Variants in FHIT observed in about 807,000 individuals in gnomAD.
FHIT encodes the protein fragile histidine triad diadenosine triphosphatase.
FHIT carries 19 observed loss-of-function variants against 17.9 expected under a neutral mutation model. That is an observed-to-expected ratio of 1.06 (90% CI 0.74 to 1.56). The LOEUF is 1.56. Among genes scored for constraint, FHIT ranks in the 40% most tolerant of loss-of-function variants. The pLI, the probability that FHIT is intolerant of heterozygous loss-of-function variation, is 0.00. For synonymous variants in FHIT, 81 were observed against 69.7 expected, an observed-to-expected ratio of 1.16 and a Z score of -0.81; for missense variants, 248 against 189.2, an observed-to-expected ratio of 1.31 and a Z score of -1.82.
intron 8 of FHIT, among the ~76,000 whole-genome samples, chr3:59,867,587 AT>A (rs1186268448): frequency 2.0e-5 from 3 of 151,926 alleles, no homozygotes; most frequent in Non-Finnish European, 2.9e-5. Context: ...TTATCTCACT[AT>A]CCTCCCCTTT....
At chr3:60,888,217 A>G (rs1705323692) in intron 3 of FHIT, among the ~76,000 whole-genome samples, 1 of 152,196 alleles carries the variant, frequency 6.6e-6, no homozygotes. Context: ...GCACATTAAC[A>G]GTTAAAATAT....
intron 4 of FHIT, among the ~76,000 whole-genome samples, chr3:60,668,185 C>G (rs192392071): frequency 5.9e-5 from 9 of 151,578 alleles, no homozygotes; most frequent in African/African-American, 2.2e-4. Flanking sequence ...TGCTATAGTT[C>G]ATTCTTTTTT....
intron 4 of FHIT, among the ~76,000 whole-genome samples, chr3:60,622,838 T>G (rs1553679299): frequency 6.6e-6 from 1 of 152,206 alleles, no homozygotes; most frequent in Non-Finnish European, 1.5e-5. Context: ...CCTTCATCAG[T>G]AGTTTCAGCC....
chr3:60,669,695 C>T (rs773186725), intron 4 of FHIT, among the ~76,000 whole-genome samples: 2 of 152,166 alleles, frequency 1.3e-5, no homozygotes, highest in Admixed American at 6.5e-5. Flanking sequence ...ATAGACCTCA[C>T]GAAAACATCA....
At chr3:59,983,478 T>C (rs1013685789) in intron 7 of FHIT, among the ~76,000 whole-genome samples, 8 of 152,128 alleles carry the variant, frequency 5.3e-5, no homozygotes, top group African/African-American at 1.2e-4. Context: ...ATTGGTATAG[T>C]TGTACTATTT....
At chr3:60,510,808 T>C (rs2034922585) in intron 5 of FHIT, among the ~76,000 whole-genome samples, 1 of 152,142 alleles carries the variant, frequency 6.6e-6, no homozygotes, top group African/African-American at 2.4e-5. Flanking sequence ...CAATGGCACA[T>C]AGGAATGACT....
chr3:60,500,615 C>CAA (rs141036805), intron 5 of FHIT, among the ~76,000 whole-genome samples: 3 of 150,304 alleles, frequency 2.0e-5, no homozygotes, highest in African/African-American at 7.3e-5. Context: ...ACTAAAAATA[C>CAA]AAAAAAAATT....
intron 4 of FHIT, among the ~76,000 whole-genome samples, chr3:60,793,186 A>C (rs1451845745): frequency 6.6e-6 from 1 of 152,222 alleles, no homozygotes; most frequent in Non-Finnish European, 1.5e-5. Context: ...TTACATACAT[A>C]TGACATTCAT....
intron 3 of FHIT, among the ~76,000 whole-genome samples, chr3:61,041,335 C>T (rs1041813358): frequency 6.6e-6 from 1 of 151,796 alleles, no homozygotes; most frequent in African/African-American, 2.4e-5. Flanking sequence ...TGAGATCACG[C>T]CACTGCACTG....
chr3:60,828,891 TAAAC>T (rs781835732), intron 3 of FHIT, among the ~76,000 whole-genome samples: 11 of 151,160 alleles, frequency 7.3e-5, no homozygotes, highest in Non-Finnish European at 1.5e-4. Flanking sequence ...AACAAACAAA[TAAAC>T]AAACAAAAAC....
At chr3:60,495,691 A>C (rs2034273482) in intron 5 of FHIT, among the ~76,000 whole-genome samples, 2 of 152,200 alleles carry the variant, frequency 1.3e-5, no homozygotes, top group African/African-American at 2.4e-5. Context: ...TCCTTTAAAA[A>C]ATTTCACGGC....
intron 5 of FHIT, among the ~76,000 whole-genome samples, chr3:60,341,359 G>C (rs956067636): frequency 2.6e-5 from 4 of 152,144 alleles, no homozygotes; most frequent in South Asian, 2.1e-4. Flanking sequence ...TAAAAACTGA[G>C]AAATTAAAAT....
chr3:60,483,988 T>A (rs2107482361), intron 5 of FHIT, among the ~76,000 whole-genome samples: 1 of 152,210 alleles, frequency 6.6e-6, no homozygotes, highest in South Asian at 2.1e-4. Flanking sequence ...AGTCTCAGGA[T>A]ACAAAATCAA....
chr3:60,154,702 A>G (rs1445192000), intron 5 of FHIT, among the ~76,000 whole-genome samples: 1 of 152,184 alleles, frequency 6.6e-6, no homozygotes, highest in Non-Finnish European at 1.5e-5. Context: ...ATGATAATGG[A>G]ACTATGATTA....
rs188022956 is a variant in FHIT, at chr3:60,586,703, A to G, written c.-17-49724T>C. ...TCACGTCTTTTGCAGAAATGTGGAT[A>G]GAGCTGGAGGCCATTATACTTAGAA... On this transcript the variant is annotated intron_variant, in intron 4 of 9. Transcript: ENST00000492590. Among the ~76,000 whole-genome samples, 272 of 152,122 alleles carry G rather than the reference A, an allele frequency of 1.8e-3. 3 individuals carry two copies. Among genetic ancestry groups the G allele is most frequent in the African/African-American group, 6.2e-3 (259 of 41,548 alleles).
chr3:60,626,358 A>T (rs2039285890), intron 4 of FHIT, among the ~76,000 whole-genome samples: 1 of 152,218 alleles, frequency 6.6e-6, no homozygotes, highest in South Asian at 2.1e-4. Context: ...AAACATAAAA[A>T]GTCTTGCCTT....
chr3:60,132,010 C>G (rs72884608), intron 5 of FHIT, among the ~76,000 whole-genome samples: 7,033 of 152,210 alleles, frequency 0.046, 526 homozygotes, highest in African/African-American at 0.16. Flanking sequence ...TTAGCTTTCT[C>G]TCAACCCAGA....
chr3:60,566,120 G>C (rs953129662), intron 4 of FHIT, among the ~76,000 whole-genome samples: 17 of 152,140 alleles, frequency 1.1e-4, no homozygotes, highest in African/African-American at 1.9e-4. Context: ...CCTGTGGTCT[G>C]AGAGTTTGTT....
At chr3:60,842,072 G>C (rs1702740418) in intron 3 of FHIT, among the ~76,000 whole-genome samples, 1 of 152,114 alleles carries the variant, frequency 6.6e-6, no homozygotes, top group Non-Finnish European at 1.5e-5. Flanking sequence ...CTGTCATCAA[G>C]CATGTTAGGA....
Sources: allele counts gnomAD v4.1 joint callset (sites outside exome capture counted in the v4.1 genomes callset), GRCh38; gene constraint gnomAD v4.1.1; transcripts MANE v1.5; gene names NCBI Gene and HGNC (gene_info 2026-07-23, HGNC 2026-07-21).